The following NECTIN3 variants were observed in gnomAD, a reference collection of about 807,000 sequenced individuals.
The protein encoded by NECTIN3 is nectin-3.
NECTIN3 carries 8 observed loss-of-function variants against 49.4 expected under a neutral mutation model. The observed-to-expected ratio is 0.16, with a 90% CI of 0.10 to 0.29. The LOEUF (loss-of-function observed/expected upper bound fraction) is 0.29, where lower values mean the gene tolerates loss of function less well. Ranked by LOEUF, NECTIN3 falls within the 10% of genes least tolerant of loss-of-function variation. The pLI is 1.00. For synonymous variants in NECTIN3, 277 were observed against 241.1 expected, an observed-to-expected ratio of 1.15 and a Z score of -1.38; for missense variants, 581 against 654.6, an observed-to-expected ratio of 0.89 and a Z score of 1.23.
intron 1 of NECTIN3, 66 bp downstream of exon 1, chr3:111,072,243 C>A: frequency 6.7e-7 from 1 of 1,486,728 alleles, no homozygotes; most frequent in South Asian, 1.3e-5. Context: ...GCGCCGCGGC[C>A]GGCTCTGCCA....
At position 111,122,188 on chromosome 3, in the gene NECTIN3, C is replaced by G; in HGVS notation, c.867C>G (p.Leu289=). 1 of 1,613,594 alleles carries G rather than the reference C, an allele frequency of 6.2e-7. No homozygotes were observed. Among genetic ancestry groups the G allele is most frequent in the Non-Finnish European group, 8.5e-7 (1 of 1,179,690 alleles). Residue 289 remains leucine, a synonymous_variant, in exon 4 of 6, where the codon CTC becomes CTG. Coordinates refer to ENST00000485303, the MANE Select transcript of NECTIN3 (RefSeq NM_015480.3). ...NWFVGRKGVN[L]KCNADANPPP... is the part of the protein sequence containing the mutation. ...TTGTAGGAAGAAAAGGTGTTAATCT[C>G]AAATGTAATGCTGATGCAAATCCAC...
At chr3:111,109,443 C>G (rs563823739) in intron 1 of NECTIN3, among the ~76,000 whole-genome samples, 1 of 152,126 alleles carries the variant, frequency 6.6e-6, no homozygotes, top group South Asian at 2.1e-4. Flanking sequence ...ACAAAATATA[C>G]AGAAAGTTTT....
chr3:111,096,438 T>C (rs534009482), intron 1 of NECTIN3, among the ~76,000 whole-genome samples: 1 of 152,352 alleles, frequency 6.6e-6, no homozygotes, highest in African/African-American at 2.4e-5. Flanking sequence ...TCCCATTTTC[T>C]GAGGAGAAAT....
intron 1 of NECTIN3, among the ~76,000 whole-genome samples, chr3:111,107,621 T>C (rs187574916): frequency 6.6e-5 from 10 of 152,270 alleles, no homozygotes; most frequent in Admixed American, 3.3e-4. Context: ...AATTTAGCTC[T>C]TTAATAATAA....
At chr3:111,153,630 T>C (rs2035041349) in intron 7 of NECTIN3, among the ~76,000 whole-genome samples, 1 of 152,040 alleles carries the variant, frequency 6.6e-6, no homozygotes, top group African/African-American at 2.4e-5. Flanking sequence ...GATAAAAATA[T>C]TAAAGATGCT....
At position 111,072,519 on chromosome 3, in the gene NECTIN3, A is replaced by G. The variant is rs1303146078; in HGVS notation, c.160+342A>G. The G allele has an allele frequency of 2.0e-6, 3 of 1,535,866 alleles. No individual in the cohort carries two copies. In the South Asian group the frequency reaches 3.6e-5, roughly 18 times the overall value. On this transcript the variant is annotated intron_variant, in intron 1 of 5. Transcript: ENST00000485303. ...ATTCTCTGGGAACCCTCGTAGGTTA[A>G]GGTGCCGGGATGCACGTTTGCCGCT...
chr3:111,155,130 G>A (rs2035072395), intron 7 of NECTIN3, among the ~76,000 whole-genome samples: 1 of 152,134 alleles, frequency 6.6e-6, no homozygotes, highest in African/African-American at 2.4e-5. Flanking sequence ...GAGAGACGGG[G>A]TTTCACCATG....
downstream of NECTIN3, among the ~76,000 whole-genome samples, chr3:111,138,848 A>AT (rs1293259126): frequency 2.6e-5 from 4 of 151,648 alleles, no homozygotes; most frequent in Non-Finnish European, 4.4e-5. Context: ...TAGACATGAT[A>AT]TGCAAGTTGT....
chr3:111,159,902 A>C (rs1357722399), intron 7 of NECTIN3, among the ~76,000 whole-genome samples: 1 of 152,190 alleles, frequency 6.6e-6, no homozygotes, highest in Non-Finnish European at 1.5e-5. Flanking sequence ...TTTTTTATAC[A>C]TACCTTAAAT....
chr3:111,112,402 A>T, intron 2 of NECTIN3, 31 bp downstream of exon 2: 1 of 1,271,264 alleles, frequency 7.9e-7, no homozygotes. Flanking sequence ...TATTTTGGTG[A>T]TAGTGGTGAA....
chr3:111,132,435 T>G (rs566989493), intron 5 of NECTIN3, among the ~76,000 whole-genome samples: 3 of 152,020 alleles, frequency 2.0e-5, no homozygotes, highest in African/African-American at 7.2e-5. Flanking sequence ...TTTCTAACAA[T>G]CATTTTTTAA....
At chr3:111,091,992 G>A (rs1233939550) in intron 1 of NECTIN3, among the ~76,000 whole-genome samples, 3 of 152,172 alleles carry the variant, frequency 2.0e-5, no homozygotes, top group Non-Finnish European at 4.4e-5. Flanking sequence ...TCACAAGTGG[G>A]TATGAGGTGG....
intron 1 of NECTIN3, among the ~76,000 whole-genome samples, chr3:111,073,184 G>C (rs2107343591): frequency 6.6e-6 from 1 of 152,270 alleles, no homozygotes; most frequent in South Asian, 2.1e-4. Flanking sequence ...AGGGCTCTTG[G>C]TAAGAAAAGT....
chr3:111,076,219 T>C (rs2031187514), intron 1 of NECTIN3, among the ~76,000 whole-genome samples: 1 of 152,174 alleles, frequency 6.6e-6, no homozygotes, highest in Non-Finnish European at 1.5e-5. Flanking sequence ...TTATGGGTTA[T>C]TGTTAATTAC....
rs189776129 is a variant in NECTIN3 at position 111,096,548 on chromosome 3, A to G, written c.161-15482A>G. On this transcript the variant is annotated intron_variant, in intron 1 of 5. Coordinates refer to ENST00000485303, the MANE Select transcript of NECTIN3 (RefSeq NM_015480.3). ...TCCATGCCATGTCAGAGACCTCTGC[A>G]GCAGCCCCTCCCTCCCATCACAGGC... 2.0e-4 allele frequency among the ~76,000 whole-genome samples: 31 copies of G among 152,334 alleles called. No individual in the cohort carries two copies. The East Asian group carries it at 5.6e-3, about 28-fold the overall frequency.
At chr3:111,187,744 A>C (rs1041359371), upstream of NECTIN3, among the ~76,000 whole-genome samples, 1 of 152,224 alleles carries the variant, frequency 6.6e-6, no homozygotes, top group African/African-American at 2.4e-5. Context: ...TGGAAAAGGC[A>C]AAACAATAGA....
At chr3:111,188,848 A>G (rs944265639), upstream of NECTIN3, among the ~76,000 whole-genome samples, 2 of 152,148 alleles carry the variant, frequency 1.3e-5, no homozygotes, top group African/African-American at 2.4e-5. Context: ...GTCATGTTAA[A>G]TTTACCATTG....
Position 111,136,775 on chromosome 3 carries a change from T to C in NECTIN3, c.*2560T>C. The C allele has an allele frequency of 1.1e-6, 1 of 932,390 alleles. No individual in the cohort carries two copies. The highest frequency in any genetic ancestry group is 1.3e-6 in the Non-Finnish European group (1 of 782,044). 57.8% of individuals were successfully genotyped at this position (932,390 alleles called of 1,614,324 possible). ...CATTTTGTAAATTCACTTGAGAGTT[T>C]TCTTTCATACTGGTTAAAATATTTC... On this transcript the variant is annotated 3_prime_UTR_variant, in exon 6 of 6. Coordinates refer to ENST00000485303, the MANE Select transcript of NECTIN3 (RefSeq NM_015480.3).
At chr3:111,100,552 G>GA (rs1193957079) in intron 1 of NECTIN3, among the ~76,000 whole-genome samples, 2 of 151,714 alleles carry the variant, frequency 1.3e-5, no homozygotes, top group Non-Finnish European at 2.9e-5. Flanking sequence ...TTCAAAATAA[G>GA]AAAAAAACAG....
Sources: allele counts gnomAD v4.1 joint callset (sites outside exome capture counted in the v4.1 genomes callset), GRCh38; gene constraint gnomAD v4.1.1; transcripts MANE v1.5; gene names NCBI Gene and HGNC (gene_info 2026-07-23, HGNC 2026-07-21).